The following HEATR5A variants were observed in gnomAD, a reference collection of about 807,000 sequenced individuals.
HEATR5A encodes HEAT repeat-containing protein 5A.
Under a neutral mutation model 218.8 loss-of-function variants are expected in HEATR5A, and 178 were observed. The ratio of observed to expected loss-of-function variants is 0.81; its 90% CI spans 0.72 to 0.92. The LOEUF is 0.92. HEATR5A is among the 40% of genes least tolerant of loss of function. The probability of loss-of-function intolerance (pLI) is 0.00; values close to 1 mark genes in which losing one functional copy is unlikely to be tolerated. For missense variants in HEATR5A, 2,420 were observed against 2,418.9 expected, an observed-to-expected ratio of 1.00 and a Z score of -0.01; for synonymous variants, 864 against 871.6, an observed-to-expected ratio of 0.99 and a Z score of 0.15.
At chr14:31,347,013 T>C (rs143953887) in intron 19 of HEATR5A, among the ~76,000 whole-genome samples, 1 of 152,228 alleles carries the variant, frequency 6.6e-6, no homozygotes, top group Non-Finnish European at 1.5e-5. Flanking sequence ...TCTGATTCCA[T>C]GATTTATTAG....
At position 31,336,205 on chromosome 14, in the gene HEATR5A, TATACATACATAC is replaced by T. The variant is rs149832555; in HGVS notation, c.3367+1259_3367+1270del. Among the ~76,000 whole-genome samples the T allele has an allele frequency of 3.1e-4, 6 of 19,382 alleles. No individual in the cohort carries two copies. The Admixed American group carries it at 3.3e-3, about 11-fold the overall frequency. The allele number at this position is 19,382 out of a possible 152,430, so 12.7% of individuals were successfully genotyped here. The stretch of plus-strand genomic sequence containing the variant: ...TATTGCGCAGGGGGTTATTTTTATA[TATACATACATAC>T]ATATATATATATATATATATATATA... On this transcript the variant is annotated intron_variant, in intron 22 of 35. Coordinates refer to ENST00000543095, the MANE Select transcript of HEATR5A (RefSeq NM_015473.4).
chr14:31,338,055 C>A (rs73257402), intron 21 of HEATR5A, among the ~76,000 whole-genome samples: 14 of 152,226 alleles, frequency 9.2e-5, no homozygotes, highest in African/African-American at 3.4e-4. Flanking sequence ...AAAATGGAGG[C>A]TCCGGAGTCA....
rs758246653 is a variant in HEATR5A at position 31,380,568 on chromosome 14, G to A, written c.1607C>T (p.Thr536Ile). The A allele has an allele frequency of 1.1e-5, 18 of 1,588,922 alleles. No individual in the cohort carries two copies. Among genetic ancestry groups the A allele is most frequent in the Non-Finnish European group, 1.5e-5 (18 of 1,166,088 alleles). Residue 536 changes from threonine (T) to isoleucine (I), a missense_variant, in exon 11 of 36, where the codon ACA becomes ATA. Transcript: ENST00000543095. The part of the protein sequence containing the change: ...IPHGKGKIIM[T>I]LAEDLLCSAA... ...AGAACACAGCAAATCCTCTGCTAAT[G>A]TCATAATAATCTATTTACATATAGA...
intron 16 of HEATR5A, among the ~76,000 whole-genome samples, chr14:31,354,432 G>T (rs911310849): frequency 5.9e-5 from 9 of 152,040 alleles, no homozygotes; most frequent in South Asian, 4.1e-4. Context: ...TTCATCTTCT[G>T]CCCCCCAATC....
intron 33 of HEATR5A, among the ~76,000 whole-genome samples, chr14:31,300,243 C>G (rs991433560): frequency 6.6e-6 from 1 of 152,020 alleles, no homozygotes. Context: ...TTTAATTCTC[C>G]AAGTTTTTGG....
intron 13 of HEATR5A, among the ~76,000 whole-genome samples, chr14:31,370,027 C>T (rs1204143754): frequency 6.6e-6 from 1 of 151,388 alleles, no homozygotes; most frequent in Non-Finnish European, 1.5e-5. Flanking sequence ...GAGATCGAGA[C>T]CATCCTGGCT....
At chr14:31,387,563 A>AT (rs56997456) in intron 7 of HEATR5A, among the ~76,000 whole-genome samples, 188 bp from the exon 8 acceptor site, 72,867 of 143,868 alleles carry the variant, frequency 0.51, 18,410 homozygotes, top group African/African-American at 0.55. Context: ...ACTGAAGTGC[A>AT]TTTTTTTTTT....
In HEATR5A at chr14:31,350,694, A is replaced by G; in HGVS notation, c.2435T>C (p.Leu812Ser). ...TQRLLILEQLLDSIKHTKGAR... is the reference protein window; with the variant it reads ...TQRLLILEQLSDSIKHTKGAR... ...TCCTTTTGTGTGCTTTATACTGTCC[A>G]AAAGCTGTTCCAATATAAGAAGCCT... is the stretch of plus-strand genomic sequence containing the variant. Residue 812 changes from leucine (L) to serine (S), a missense_variant, in exon 17 of 36, where the codon TTG becomes TCG. Physicochemically the swap from Leu to Ser is moderately radical, Grantham distance 145 (BLOSUM62 -2). Coordinates refer to ENST00000543095, the MANE Select transcript of HEATR5A (RefSeq NM_015473.4). 6.3e-7 allele frequency: 1 copy of G among 1,590,354 alleles called. No individual in the cohort carries two copies. The highest frequency in any genetic ancestry group is 1.3e-5 in the African/African-American group (1 of 74,762).
At chr14:31,349,186 G>A (rs1442117652) in intron 18 of HEATR5A, among the ~76,000 whole-genome samples, 1 of 151,966 alleles carries the variant, frequency 6.6e-6, no homozygotes, top group Non-Finnish European at 1.5e-5. Flanking sequence ...TCAGGAGTTC[G>A]AGACCAGCCT....
At chr14:31,336,399 G>A (rs1465507365) in intron 22 of HEATR5A, among the ~76,000 whole-genome samples, 1 of 151,410 alleles carries the variant, frequency 6.6e-6, no homozygotes, top group Non-Finnish European at 1.5e-5. Context: ...TGGCCCCCAG[G>A]GCTGTTTTTG....
At chr14:31,317,810 A>C (rs1282003412) in intron 26 of HEATR5A, among the ~76,000 whole-genome samples, 1 of 152,238 alleles carries the variant, frequency 6.6e-6, no homozygotes, top group Non-Finnish European at 1.5e-5. Context: ...CAAAACAGGT[A>C]CTTGTATAAC....
chr14:31,395,557 T>C (rs1162627316), intron 4 of HEATR5A, among the ~76,000 whole-genome samples: 2 of 152,210 alleles, frequency 1.3e-5, no homozygotes, highest in Non-Finnish European at 2.9e-5. Context: ...ATGATACAAA[T>C]TTCACAGGGT....
intron 4 of HEATR5A, among the ~76,000 whole-genome samples, chr14:31,396,144 C>T (rs2030644771): frequency 6.6e-6 from 1 of 152,060 alleles, no homozygotes; most frequent in African/African-American, 2.4e-5. Flanking sequence ...ATTGCTTGAG[C>T]TCAGGACTTC....
In HEATR5A at chr14:31,312,985, G is replaced by T. The variant is rs749320056; in HGVS notation, c.4424C>A (p.Ser1475Tyr). ...CTCCTTACCTTCAGCAGGAAGTTGG[G>T]AGGCAAATTCTGAAGGCAAAGTTAA... ...ALLTLPSEFA[S>Y]QLPAEGGAFY... The change falls in exon 28 of 36, where the codon TCC (serine) becomes TAC (tyrosine). Residue 1475 changes from serine (S) to tyrosine (Y), a missense_variant. Ser to Tyr is a moderately radical substitution (Grantham distance 144). Transcript: ENST00000543095. 1 of 1,612,760 alleles carries T rather than the reference G, an allele frequency of 6.2e-7. No homozygotes were observed. The highest frequency in any genetic ancestry group is 8.5e-7 in the Non-Finnish European group (1 of 1,178,826).
intron 13 of HEATR5A, 34 bp from the exon 14 acceptor site, chr14:31,364,332 T>A: frequency 9.4e-7 from 1 of 1,067,158 alleles, no homozygotes; most frequent in East Asian, 2.6e-5. Context: ...TCTTAAGTGG[T>A]TAAGTTATAT....
intron 13 of HEATR5A, among the ~76,000 whole-genome samples, chr14:31,368,998 T>C (rs1901914839): frequency 6.6e-6 from 1 of 152,142 alleles, no homozygotes; most frequent in Non-Finnish European, 1.5e-5. Context: ...AGCTAAAGAA[T>C]AGTCTCAGAA....
chr14:31,302,975 G>T (rs1278237412), intron 32 of HEATR5A, among the ~76,000 whole-genome samples: 3 of 150,324 alleles, frequency 2.0e-5, no homozygotes, highest in African/African-American at 7.3e-5. Flanking sequence ...TGGCTGGGAT[G>T]GTGGTGTGCG....
chr14:31,378,871 G>C (rs910556135), intron 11 of HEATR5A, among the ~76,000 whole-genome samples: 4 of 151,562 alleles, frequency 2.6e-5, no homozygotes, highest in Admixed American at 1.3e-4. Flanking sequence ...GCTCCTTTAG[G>C]TCAAATTACT....
intron 13 of HEATR5A, among the ~76,000 whole-genome samples, chr14:31,365,776 C>T (rs1901781123): frequency 6.6e-6 from 1 of 151,842 alleles, no homozygotes; most frequent in South Asian, 2.1e-4. Context: ...GTGATCCTCT[C>T]ACCTTAGCCT....
Sources: gnomAD v4.1 joint callset for allele counts (sites outside exome capture counted in the v4.1 genomes callset) on GRCh38, gnomAD v4.1.1 for gene constraint, MANE v1.5 for transcripts, NCBI Gene and HGNC (gene_info 2026-07-23, HGNC 2026-07-21) for gene names.